Variants in PIDD1 observed in about 807,000 individuals in gnomAD.
PIDD1 encodes p53-induced death domain-containing protein 1.
PIDD1 carries 72 observed loss-of-function variants against 80.0 expected under a neutral mutation model. The ratio of observed to expected loss-of-function variants is 0.90; its 90% CI spans 0.74 to 1.09. The LOEUF is 1.09. PIDD1 is among the 50% of genes least tolerant of loss of function. The pLI is 0.00. For synonymous variants in PIDD1, 655 were observed against 543.5 expected, an observed-to-expected ratio of 1.21 and a Z score of -2.85; for missense variants, 1,329 against 1,228.3, an observed-to-expected ratio of 1.08 and a Z score of -1.23.
chr11:800,844 C>G lies in PIDD1; in HGVS notation c.1835G>C (p.Arg612Pro). 1 of 1,570,164 alleles carries G rather than the reference C, an allele frequency of 6.4e-7. No individual in the cohort carries two copies. The highest frequency in any genetic ancestry group is 8.6e-7 in the Non-Finnish European group (1 of 1,158,140). Reference sequence around the variant, plus strand: ...AGCGATGAGGTTCACACGGTGCAGCCGCAGCCGCTCCCAGGCCTTCCGAGC... The same window carrying G: ...AGCGATGAGGTTCACACGGTGCAGCGGCAGCCGCTCCCAGGCCTTCCGAGC... ...GLARKAWERL[R>P]LHRVNLIALQ... Residue 612 changes from arginine (R) to proline (P), a missense_variant, in exon 11 of 16, where the codon CGG becomes CCG. Transcript: ENST00000347755.
At chr11:808,918 C>T (rs1218718378), upstream of PIDD1, among the ~76,000 whole-genome samples, 1 of 152,232 alleles carries the variant, frequency 6.6e-6, no homozygotes, top group African/African-American at 2.4e-5. Flanking sequence ...CCAACGGGAG[C>T]TGGCGCTGCC....
chr11:800,706 C>T (rs750941381), intron 11 of PIDD1, 40 bp from the exon 12 acceptor site: 8 of 1,553,556 alleles, frequency 5.1e-6, no homozygotes, highest in East Asian at 2.4e-5. Flanking sequence ...CAAAGCTCTG[C>T]ACCCCACCCC....
At position 800,769 on chromosome 11, in the gene PIDD1, C is replaced by T. The variant is rs920749342; in HGVS notation, c.1910G>A (p.Arg637Gln). Reference protein sequence around the residue: ...PEQVLLQCLPRNKVDATLRRL... With the variant: ...PEQVLLQCLPQNKVDATLRRL... ...TCCGGCCCGTGCCCCCACCTTGTTTCGGGGCAGGCACTGCAGCAGGACCTG... is the reference window on the plus strand; with the variant it reads ...TCCGGCCCGTGCCCCCACCTTGTTTTGGGGCAGGCACTGCAGCAGGACCTG... The change falls in exon 11 of 16, where the codon CGA (arginine) becomes CAA (glutamine). Residue 637 changes from arginine (R) to glutamine (Q), a missense_variant. Coordinates refer to ENST00000347755, the MANE Select transcript of PIDD1 (RefSeq NM_145886.4). 5.8e-6 allele frequency: 9 copies of T among 1,548,306 alleles called. No homozygotes were observed. The highest frequency in any genetic ancestry group is 2.4e-5 in the South Asian group (2 of 84,712).
At position 799,504 on chromosome 11, in the gene PIDD1, GC is replaced by G; in HGVS notation, c.2535del (p.Gln846SerfsTer98). 2 of 1,606,828 alleles carry G rather than the reference GC, an allele frequency of 1.2e-6. No individual in the cohort carries two copies. On this transcript the variant is annotated frameshift_variant, in exon 16 of 16. Coordinates refer to ENST00000347755, the MANE Select transcript of PIDD1 (RefSeq NM_145886.4). LOFTEE classifies it low-confidence loss of function (END_TRUNC). ...MLFSWAERQAGQPGAVGLLVQ... is the reference protein window; with the variant it reads ...MLFSWAERQAXQPGAVGLLVQ... ...ACCAGGAGCCCCACAGCCCCTGGCTGCCCAGCCTGGCGCTCAGCCCAGGAGA... is the reference window on the plus strand; with the variant it reads ...ACCAGGAGCCCCACAGCCCCTGGCTGCCAGCCTGGCGCTCAGCCCAGGAGA...
At chr11:799,754 C>T in intron 15 of PIDD1, 61 bp downstream of exon 15, 2 of 1,413,168 alleles carry the variant, frequency 1.4e-6, no homozygotes, top group Non-Finnish European at 1.9e-6. Flanking sequence ...ATCAGGTGGG[C>T]CCTCCAGGCA....
intron 15 of PIDD1, 71 bp downstream of exon 15, chr11:799,742 GAA>G (rs1379616653): frequency 7.2e-7 from 1 of 1,394,148 alleles, no homozygotes; most frequent in East Asian, 2.5e-5. Flanking sequence ...ACTTCTGTCA[GAA>G]TCAGGTGGGC....
At chr11:801,401 G>A (rs773011265) in intron 8 of PIDD1, 36 bp from the exon 9 acceptor site, 1 of 1,588,922 alleles carries the variant, frequency 6.3e-7, no homozygotes, top group Non-Finnish European at 8.6e-7. Context: ...CCTGCCTGTG[G>A]GCTGAGGCGC....
rs377495061 is a variant in PIDD1, at chr11:802,774, C to T, written c.827G>A (p.Arg276Gln). Residue 276 changes from arginine (R) to glutamine (Q), a missense_variant, in exon 4 of 16, where the codon CGG becomes CAG. Physicochemically the swap from Arg to Gln is conservative, Grantham distance 43. Coordinates refer to ENST00000347755, the MANE Select transcript of PIDD1 (RefSeq NM_145886.4). ...TRLDLRDNQL[R>Q]DLPPELLDAP... ...GTCTAGCAGCTCAGGGGGCAGGTCC[C>T]GGAGCTGGTTGTCCCTCAGGTCGAG... The T allele has an allele frequency of 6.3e-5, 101 of 1,608,688 alleles. No homozygotes were observed. Among genetic ancestry groups the T allele is most frequent in the East Asian group, 3.1e-4 (14 of 44,694 alleles).
At chr11:802,468 T>C in intron 5 of PIDD1, 72 bp from the exon 6 acceptor site, 5 of 1,600,082 alleles carry the variant, frequency 3.1e-6, no homozygotes, top group Non-Finnish European at 4.3e-6. Flanking sequence ...ACCCAGGAAC[T>C]CTGGAGAAGG....
At chr11:799,643 G>T (rs1865062086) in intron 15 of PIDD1, 78 bp from the exon 16 acceptor site, 16 of 1,481,344 alleles carry the variant, frequency 1.1e-5, no homozygotes, top group Middle Eastern at 1.8e-4. Flanking sequence ...CTCGGAGTGT[G>T]GGGGAGTTCC....
chr11:802,492 A>G, intron 5 of PIDD1, 51 bp downstream of exon 5: 1 of 1,603,188 alleles, frequency 6.2e-7, no homozygotes, highest in Non-Finnish European at 8.5e-7. Flanking sequence ...CGGAGGGGCC[A>G]GAGTGACAGG....
At position 801,511 on chromosome 11, in the gene PIDD1, A is replaced by G; in HGVS notation, c.1416T>C (p.Gly472=). Residue 472 remains glycine (G), a synonymous_variant, in exon 8 of 16, where the codon GGT becomes GGC. Coordinates refer to ENST00000347755, the MANE Select transcript of PIDD1 (RefSeq NM_145886.4). ...PPEGTLLCSS[G]HPGVKVIFPP... is the part of the protein sequence containing the mutation. Reference sequence around the variant, plus strand: ...GGAAGATGACTTTGACCCCAGGATGACCCGAGGAGCACAGCAGTGTCCCCT... The same window carrying G: ...GGAAGATGACTTTGACCCCAGGATGGCCCGAGGAGCACAGCAGTGTCCCCT... The G allele has an allele frequency of 6.4e-7, 1 of 1,554,874 alleles. No individual in the cohort carries two copies.
Position 802,600 on chromosome 11 carries a change from G to C in PIDD1, c.920-3C>G, listed in dbSNP as rs1210020720. 1 of 1,612,928 alleles carries C rather than the reference G, an allele frequency of 6.2e-7. No individual in the cohort carries two copies. On this transcript the variant is annotated splice_region_variant and splice_polypyrimidine_tract_variant and intron_variant, in intron 4 of 15. Transcript: ENST00000347755. ...CATTTCTGGAATGAGGGCTGCCACT[G>C]TGCAGGGGACAGACATGTGCTCAGG...
At position 804,097 on chromosome 11, in the gene PIDD1, T is replaced by C. The variant is rs1307315355; in HGVS notation, c.292A>G (p.Lys98Glu). Residue 98 changes from lysine (K) to glutamate (E), a missense_variant, in exon 2 of 16, where the codon AAA becomes GAA. Lys to Glu is a moderately conservative substitution (Grantham distance 56). Coordinates refer to ENST00000347755, the MANE Select transcript of PIDD1 (RefSeq NM_145886.4). The stretch of plus-strand genomic sequence containing the variant: ...GCCCAGAACAGGTGGAACTCACCTT[T>C]GAGGACCAGGGAGCGGAGGCAGGAC... ...SLSCLRSLVL[K>E]GGQRRDTLGA... The C allele has an allele frequency of 6.2e-7, 1 of 1,606,884 alleles. No homozygotes were observed. The highest frequency in any genetic ancestry group is 1.7e-5 in the Admixed American group (1 of 59,418).
At position 801,263 on chromosome 11, in the gene PIDD1, G is replaced by C. The variant is rs1477427064; in HGVS notation, c.1585C>G (p.Leu529Val). ...GGCAGCTGCACGGTGACCGGTTGGA[G>C]GAAGCTGGGGGGACCGCTCTGTGAC... is the stretch of plus-strand genomic sequence containing the variant. ...CLSQSGPPSF[L>V]QPVTVQLPLP... The change falls in exon 9 of 16, where the codon CTC becomes GTC. Residue 529 changes from leucine (L) to valine (V), a missense_variant. Leu to Val is a conservative substitution (Grantham distance 32). Transcript: ENST00000347755. 1 of 1,573,058 alleles carries C rather than the reference G, an allele frequency of 6.4e-7. No homozygotes were observed. Among genetic ancestry groups the C allele is most frequent in the Non-Finnish European group, 8.6e-7 (1 of 1,158,246 alleles).
In PIDD1 at chr11:801,198, G is replaced by A. The variant is rs746744004; in HGVS notation, c.1630+20C>T. 2.6e-6 allele frequency: 4 copies of A among 1,544,632 alleles called. No individual in the cohort carries two copies. The highest frequency in any genetic ancestry group is 2.7e-5 in the African/African-American group (2 of 73,066). ...ACCCTATGGCCACAGGTCCAGGTAT[G>A]CCCCATGGCTGCCTCTCACCTGTGA... On this transcript the variant is annotated intron_variant, in intron 9 of 15. Coordinates refer to ENST00000347755, the MANE Select transcript of PIDD1 (RefSeq NM_145886.4).
chr11:802,246 G>A lies in PIDD1; in HGVS notation c.1125C>T (p.Ala375=). The A allele has an allele frequency of 1.2e-6, 2 of 1,611,826 alleles. No individual in the cohort carries two copies. Among genetic ancestry groups the A allele is most frequent in the Non-Finnish European group, 8.5e-7 (1 of 1,179,504 alleles). ...PGLVPLGPHD[A]LLSHVLELQP... ...GCAGCTCCAGCACATGGCTGAGCAG[G>A]GCGTCATGAGGACCCAGGGGGACGA... Residue 375 remains alanine, a synonymous_variant, in exon 6 of 16, where the codon GCC becomes GCT. Coordinates refer to ENST00000347755, the MANE Select transcript of PIDD1 (RefSeq NM_145886.4).
upstream of PIDD1, among the ~76,000 whole-genome samples, chr11:809,180 G>C (rs1418463690): frequency 1.3e-5 from 2 of 152,256 alleles, no homozygotes; most frequent in African/African-American, 4.8e-5. Context: ...GGGTCCCTGA[G>C]GTGCTGATGT....
chr11:804,942 G>A (rs1433384226), intron 1 of PIDD1: 1 of 152,990 alleles, frequency 6.5e-6, no homozygotes, highest in Non-Finnish European at 1.5e-5. Context: ...GGCAGCTTCG[G>A]GGTCCTGGGG....
Sources: allele counts gnomAD v4.1 joint callset (sites outside exome capture counted in the v4.1 genomes callset), GRCh38; gene constraint gnomAD v4.1.1; transcripts MANE v1.5; gene names NCBI Gene and HGNC (gene_info 2026-07-23, HGNC 2026-07-21).